The following GABRG3 variants were observed in gnomAD, a reference collection of about 807,000 sequenced individuals.
GABRG3 encodes gamma-aminobutyric acid type A receptor subunit gamma3.
In GABRG3, 25 loss-of-function variants were observed where a neutral mutation model predicts 48.8. That is an observed-to-expected ratio of 0.51 (90% confidence interval 0.37 to 0.72). GABRG3 has a LOEUF of 0.72. Among genes scored for constraint, GABRG3 ranks in the 30% least tolerant of loss-of-function variants. The pLI, the probability that GABRG3 is intolerant of heterozygous loss-of-function variation, is 0.00. For synonymous variants in GABRG3, 227 were observed against 217.6 expected, an observed-to-expected ratio of 1.04 and a Z score of -0.38; for missense variants, 394 against 577.9, an observed-to-expected ratio of 0.68 and a Z score of 3.26.
At chr15:27,029,219 G>C (rs1896037037) in intron 3 of GABRG3, among the ~76,000 whole-genome samples, 1 of 152,198 alleles carries the variant, frequency 6.6e-6, no homozygotes. Flanking sequence ...GCTGCCTGCT[G>C]CTGTGTGAGT....
At chr15:27,416,519 A>AC in intron 5 of GABRG3, among the ~76,000 whole-genome samples, 1 of 152,346 alleles carries the variant, frequency 6.6e-6, no homozygotes, top group Middle Eastern at 3.4e-3. Flanking sequence ...CTTCTGCCAG[A>AC]GCATGAGGGG....
rs554697543 is a variant in GABRG3, at chr15:27,473,048, A to T, written c.575-7602A>T. 1.4e-4 allele frequency among the ~76,000 whole-genome samples: 21 copies of T among 152,324 alleles called. No homozygotes were observed. The East Asian group carries it at 3.9e-3, about 28-fold the overall frequency. On this transcript the variant is annotated intron_variant, in intron 5 of 9. Transcript: ENST00000615808. ...TAACTATCATTTTATGTGAGATTTT[A>T]CATTCATATTTTTAAGCAAGAATGC...
intron 3 of GABRG3, among the ~76,000 whole-genome samples, chr15:27,130,903 A>C (rs1897904970): frequency 6.6e-6 from 1 of 152,020 alleles, no homozygotes. Context: ...TGTTAGTCCT[A>C]ACAGGTTTTT....
chr15:27,417,549 G>A (rs1421511336), intron 5 of GABRG3, among the ~76,000 whole-genome samples: 2 of 152,018 alleles, frequency 1.3e-5, no homozygotes, highest in African/African-American at 4.8e-5. Context: ...ATCACCCGGG[G>A]CTCAGGTGCC....
At chr15:27,519,901 T>C (rs369801805) in intron 6 of GABRG3, 71 bp from the exon 7 acceptor site, 18 of 1,086,034 alleles carry the variant, frequency 1.7e-5, no homozygotes, top group Admixed American at 9.6e-5. Flanking sequence ...ACAAAATAAA[T>C]TGTAAATTAT....
intron 2 of GABRG3, among the ~76,000 whole-genome samples, chr15:27,004,004 ACGGGGCGGCTGTCCGGG>A (rs1271510885): frequency 7.6e-6 from 1 of 131,198 alleles, no homozygotes; most frequent in African/African-American, 2.9e-5. Context: ...TCCCTCCCGG[ACGGGGCGGCTGTCCGGG>A]CGGGGGGCTG....
At chr15:27,487,046 A>G (rs1164700384) in intron 6 of GABRG3, among the ~76,000 whole-genome samples, 1 of 152,182 alleles carries the variant, frequency 6.6e-6, no homozygotes, top group Non-Finnish European at 1.5e-5. Flanking sequence ...TGGGTAATAT[A>G]TCAGTCTGGG....
At chr15:27,520,230 T>C in intron 7 of GABRG3, 106 bp downstream of exon 7, 1 of 1,149,974 alleles carries the variant, frequency 8.7e-7, no homozygotes, top group Admixed American at 2.7e-5. Context: ...AATGATCTCA[T>C]TTGAGGGTGA....
At chr15:27,324,788 A>G (rs1893550517) in intron 3 of GABRG3, among the ~76,000 whole-genome samples, 1 of 152,210 alleles carries the variant, frequency 6.6e-6, no homozygotes, top group African/African-American at 2.4e-5. Context: ...TTGCTTCTGC[A>G]GGCCAGCACC....
chr15:27,403,662 C>A (rs1322996165), intron 5 of GABRG3, among the ~76,000 whole-genome samples: 1 of 152,106 alleles, frequency 6.6e-6, no homozygotes, highest in African/African-American at 2.4e-5. Context: ...TGTCTGTAAT[C>A]CCAGCGCTTT....
At chr15:27,232,814 C>T (rs1330324455) in intron 3 of GABRG3, among the ~76,000 whole-genome samples, 3 of 152,136 alleles carry the variant, frequency 2.0e-5, no homozygotes, top group African/African-American at 7.2e-5. Context: ...TTAAACATTC[C>T]TTCTGAAATA....
chr15:26,994,011 T>C (rs977051169), intron 2 of GABRG3, among the ~76,000 whole-genome samples: 2 of 151,996 alleles, frequency 1.3e-5, no homozygotes, highest in African/African-American at 4.8e-5. Context: ...TCGTCTGATA[T>C]AGCTACCCCT....
intron 7 of GABRG3, among the ~76,000 whole-genome samples, chr15:27,526,208 C>T (rs1273711282): frequency 6.6e-6 from 1 of 152,194 alleles, no homozygotes; most frequent in Non-Finnish European, 1.5e-5. Flanking sequence ...ACTCTTTACA[C>T]CTCTACAAGC....
intron 6 of GABRG3, among the ~76,000 whole-genome samples, chr15:27,516,692 GTC>G (rs1165353003): frequency 2.0e-5 from 3 of 152,296 alleles, no homozygotes; most frequent in African/African-American, 7.2e-5. Context: ...ATGCATGTCA[GTC>G]TCTCTCTGGT....
At chr15:27,308,703 CAT>C (rs1439532223) in intron 3 of GABRG3, among the ~76,000 whole-genome samples, 4 of 148,754 alleles carry the variant, frequency 2.7e-5, no homozygotes, top group Non-Finnish European at 6.0e-5. Flanking sequence ...ATAATGTAAA[CAT>C]ACGTTTATAT....
chr15:27,265,096 C>T (rs1890877835), intron 3 of GABRG3, among the ~76,000 whole-genome samples: 1 of 152,056 alleles, frequency 6.6e-6, no homozygotes, highest in Non-Finnish European at 1.5e-5. Flanking sequence ...TTTAAACCAC[C>T]CCATACCAAA....
intron 5 of GABRG3, among the ~76,000 whole-genome samples, chr15:27,410,845 CGTGTGTGTGTGTGTGTGTGT>C (rs61423614): frequency 1.7e-4 from 24 of 143,630 alleles, no homozygotes; most frequent in Non-Finnish European, 3.5e-4. Flanking sequence ...TGCGCACGCT[CGTGTGTGTGTGTGTGTGTGT>C]GTGTGTGTGT....
At chr15:27,148,804 A>G (rs1174594799) in intron 3 of GABRG3, among the ~76,000 whole-genome samples, 1 of 152,028 alleles carries the variant, frequency 6.6e-6, no homozygotes, top group Admixed American at 6.6e-5. Context: ...GCATTCTTCC[A>G]TGATGTAAAC....
At chr15:27,011,845 C>T (rs1372685579) in intron 2 of GABRG3, among the ~76,000 whole-genome samples, 1 of 102,538 alleles carries the variant, frequency 9.8e-6, no homozygotes, top group Non-Finnish European at 2.1e-5. Flanking sequence ...AAGACTCCGT[C>T]TCAAAAAAAA....
Sources: gnomAD v4.1 joint callset for allele counts (sites outside exome capture counted in the v4.1 genomes callset) on GRCh38, gnomAD v4.1.1 for gene constraint, MANE v1.5 for transcripts, NCBI Gene and HGNC (gene_info 2026-07-23, HGNC 2026-07-21) for gene names.